Variants in NEK1 observed in about 807,000 individuals in gnomAD.
NEK1 encodes the protein NIMA related kinase 1.
A neutral mutation model predicts 182.1 loss-of-function variants in NEK1; 137 were observed. That is an observed-to-expected ratio of 0.75 (90% CI 0.65 to 0.87). NEK1 has a LOEUF of 0.87. NEK1 is among the 40% of genes least tolerant of loss of function. The pLI, the probability that NEK1 is intolerant of heterozygous loss-of-function variation, is 0.00. For synonymous variants in NEK1, 513 were observed against 492.2 expected (o/e 1.04, Z -0.56); for missense variants, 1,391 against 1,494.4 (o/e 0.93, Z 1.14).
intron 26 of NEK1, among the ~76,000 whole-genome samples, chr4:169,471,411 A>C (rs1745936650): frequency 6.6e-6 from 1 of 152,134 alleles, no homozygotes; most frequent in Admixed American, 6.5e-5. Context: ...AATTTACTGA[A>C]GTTCCATTCC....
chr4:169,498,755 A>G (rs1412509375), intron 23 of NEK1, among the ~76,000 whole-genome samples: 2 of 152,164 alleles, frequency 1.3e-5, no homozygotes, highest in African/African-American at 4.8e-5. Flanking sequence ...TGGCTTGTAG[A>G]GTTTCTGCCT....
chr4:169,441,699 AGTGCCT>A (rs1739489674), intron 27 of NEK1, among the ~76,000 whole-genome samples: 1 of 151,746 alleles, frequency 6.6e-6, no homozygotes, highest in Admixed American at 6.6e-5. Flanking sequence ...TATTGCTGCT[AGTGCCT>A]GTATAAGCTT....
In NEK1 at chr4:169,590,801, G is replaced by A. The variant is rs757633727; in HGVS notation, c.321C>T (p.Asp107=). ...GGGCCAAACATATCTGTACAAACCAGTCCAAAATCTAGGAAGAAAAATCAG... is the reference window on the plus strand; with the variant it reads ...GGGCCAAACATATCTGTACAAACCAATCCAAAATCTAGGAAGAAAAATCAG... ...GVLFQEDQIL[D]WFVQICLALK... is the part of the protein sequence containing the mutation. The change falls in exon 6 of 36, where the codon GAC becomes GAT. Residue 107 remains aspartate (D), a synonymous_variant. Transcript: ENST00000507142. The A allele has an allele frequency of 7.6e-6, 12 of 1,589,168 alleles. No individual in the cohort carries two copies. The South Asian group carries it at 1.3e-4, about 17-fold the overall frequency.
intron 27 of NEK1, among the ~76,000 whole-genome samples, chr4:169,440,645 G>A (rs1222439982): frequency 6.6e-6 from 1 of 152,182 alleles, no homozygotes; most frequent in Non-Finnish European, 1.5e-5. Flanking sequence ...AAGCGAAACA[G>A]TTGGCCTGGC....
At chr4:169,498,190 T>C (rs561439503) in intron 23 of NEK1, among the ~76,000 whole-genome samples, 5 of 152,356 alleles carry the variant, frequency 3.3e-5, no homozygotes, top group African/African-American at 1.2e-4. Context: ...TGATCTTTGC[T>C]GGTTTAAAGT....
At chr4:169,467,719 T>A (rs1206343380) in intron 26 of NEK1, among the ~76,000 whole-genome samples, 2 of 151,964 alleles carry the variant, frequency 1.3e-5, no homozygotes, top group East Asian at 3.9e-4. Context: ...ACATTAATAA[T>A]CACATTAAAT....
intron 26 of NEK1, among the ~76,000 whole-genome samples, chr4:169,463,679 C>T (rs976844634): frequency 6.6e-6 from 1 of 152,112 alleles, no homozygotes; most frequent in Non-Finnish European, 1.5e-5. Flanking sequence ...CTGAGTATCT[C>T]TTATCTGAAA....
chr4:169,513,678 A>G (rs1413588903), intron 19 of NEK1, among the ~76,000 whole-genome samples: 1 of 152,192 alleles, frequency 6.6e-6, no homozygotes, highest in African/African-American at 2.4e-5. Flanking sequence ...TTCTACCTGT[A>G]TAATATTAGA....
intron 27 of NEK1, among the ~76,000 whole-genome samples, chr4:169,452,083 G>A (rs909019948): frequency 1.3e-5 from 2 of 152,130 alleles, no homozygotes; most frequent in Non-Finnish European, 2.9e-5. Flanking sequence ...ACTACCTGGA[G>A]ACTTTAACAA....
chr4:169,571,172 CAATAAAAA>C (rs1340162642), intron 12 of NEK1, among the ~76,000 whole-genome samples: 3 of 113,930 alleles, frequency 2.6e-5, no homozygotes, highest in African/African-American at 9.4e-5. Context: ...CAAGAATGAT[CAATAAAAA>C]AATAAATAAA....
At chr4:169,587,523 C>T (rs775341816) in intron 9 of NEK1, 36 bp downstream of exon 9, 113 of 1,177,048 alleles carry the variant, frequency 9.6e-5, no homozygotes, top group Non-Finnish European at 1.3e-4. Context: ...CGCTTTTTAA[C>T]ATAACTTTGA....
At chr4:169,475,226 A>G (rs1282197169) in intron 26 of NEK1, among the ~76,000 whole-genome samples, 2 of 152,174 alleles carry the variant, frequency 1.3e-5, no homozygotes, top group Admixed American at 6.5e-5. Flanking sequence ...CAGAGCAAAT[A>G]TATGAGAAAA....
intron 26 of NEK1, among the ~76,000 whole-genome samples, chr4:169,467,439 C>G (rs1231743012): frequency 1.3e-5 from 2 of 152,028 alleles, no homozygotes; most frequent in Non-Finnish European, 2.9e-5. Flanking sequence ...ACTATAAACT[C>G]TGAAGCAAAC....
chr4:169,397,919 T>TAAG (rs1453796520), intron 35 of NEK1, among the ~76,000 whole-genome samples: 2 of 152,210 alleles, frequency 1.3e-5, no homozygotes, highest in Non-Finnish European at 2.9e-5. Flanking sequence ...TGAAAAGCTC[T>TAAG]ATTGAAACAA....
At chr4:169,417,494 T>C (rs941676919) in intron 31 of NEK1, among the ~76,000 whole-genome samples, 3 of 152,194 alleles carry the variant, frequency 2.0e-5, no homozygotes, top group African/African-American at 7.2e-5. Flanking sequence ...TTGGTTGATA[T>C]GACTAGTAGA....
chr4:169,611,188 A>T (rs1253859548), intron 2 of NEK1, among the ~76,000 whole-genome samples: 1 of 152,216 alleles, frequency 6.6e-6, no homozygotes, highest in Non-Finnish European at 1.5e-5. Context: ...ATGTCAATGT[A>T]CTATTCACAC....
rs546486816 is a variant in NEK1, at chr4:169,510,520, CTT to C, written c.1666-1670_1666-1669del. ...CAGTTTCTGCCTTAGCTCAGCCTCT[CTT>C]CTTTTGACTCTTAAATTGCTAAATG... On this transcript the variant is annotated intron_variant, in intron 19 of 35. Transcript: ENST00000507142. Among the ~76,000 whole-genome samples, 7 of 152,248 alleles carry C rather than the reference CTT, an allele frequency of 4.6e-5. 1 individual carries two copies. The highest frequency in any genetic ancestry group is 2.6e-4 in the Admixed American group (4 of 15,274).
At chr4:169,514,174 G>C (rs1370606103) in intron 19 of NEK1, among the ~76,000 whole-genome samples, 1 of 151,960 alleles carries the variant, frequency 6.6e-6, no homozygotes, top group Non-Finnish European at 1.5e-5. Flanking sequence ...TATTAGTAGA[G>C]ACAGGGTTTC....
At chr4:169,414,758 G>A (rs916873990) in intron 31 of NEK1, among the ~76,000 whole-genome samples, 25 of 152,186 alleles carry the variant, frequency 1.6e-4, no homozygotes, top group African/African-American at 6.0e-4. Context: ...CTGTATTTTA[G>A]ACAAACATTC....
Sources: gnomAD v4.1 joint callset for allele counts (sites outside exome capture counted in the v4.1 genomes callset) on GRCh38, gnomAD v4.1.1 for gene constraint, MANE v1.5 for transcripts, NCBI Gene and HGNC (gene_info 2026-07-23, HGNC 2026-07-21) for gene names.